Variants in LHFPL3 observed in about 807,000 individuals in gnomAD.
The protein encoded by LHFPL3 is LHFPL tetraspan subfamily member 3 protein.
Under a neutral mutation model 19.3 loss-of-function variants are expected in LHFPL3, and 5 were observed. The observed-to-expected ratio is 0.26, with a 90% CI of 0.14 to 0.54. The LOEUF is 0.54. LHFPL3 is among the 20% of genes least tolerant of loss of function. LHFPL3 has a pLI of 0.94. For missense variants in LHFPL3, 249 were observed against 307.4 expected (o/e 0.81, Z 1.42); for synonymous variants, 133 against 126.2 (o/e 1.05, Z -0.36).
chr7:104,521,010 A>T (rs990202151), intron 1 of LHFPL3, among the ~76,000 whole-genome samples: 21 of 151,412 alleles, frequency 1.4e-4, no homozygotes, highest in Admixed American at 5.3e-4. Context: ...TGTTTGCTCT[A>T]GCTTTTCTAG....
intron 1 of LHFPL3, among the ~76,000 whole-genome samples, chr7:104,569,387 A>T (rs551967444): frequency 2.6e-4 from 40 of 152,338 alleles, no homozygotes; most frequent in Non-Finnish European, 5.9e-5. Flanking sequence ...TGACCTGCAA[A>T]CTACAGATAA....
chr7:104,830,492 C>G (rs1454873301), intron 2 of LHFPL3, among the ~76,000 whole-genome samples: 3 of 151,786 alleles, frequency 2.0e-5, no homozygotes, highest in Admixed American at 6.6e-5. Context: ...TTTAATCCAT[C>G]TTGAATTAAT....
At chr7:104,641,390 G>C (rs1382943877) in intron 1 of LHFPL3, among the ~76,000 whole-genome samples, 1 of 152,194 alleles carries the variant, frequency 6.6e-6, no homozygotes, top group African/African-American at 2.4e-5. Flanking sequence ...AACATGCTCA[G>C]TAAATTATGT....
At chr7:104,905,631 C>T (rs754189353) in intron 2 of LHFPL3, among the ~76,000 whole-genome samples, 2 of 152,028 alleles carry the variant, frequency 1.3e-5, no homozygotes, top group African/African-American at 2.4e-5. Flanking sequence ...AGAAAATTGT[C>T]TTTAATGTAA....
rs151243823 is a variant in LHFPL3, at chr7:104,362,702, G to C, written c.445+33478G>C. The stretch of plus-strand genomic sequence containing the variant: ...ATACTGTACACCCAGCTAAATGGGA[G>C]ACCAGAGTTTTATTATTACTCACAT... On this transcript the variant is annotated intron_variant, in intron 1 of 2. Coordinates refer to ENST00000424859, the MANE Select transcript of LHFPL3 (RefSeq NM_199000.3). Among the ~76,000 whole-genome samples the C allele has an allele frequency of 2.5e-3, 388 of 152,344 alleles. 1 individual carries two copies. Among genetic ancestry groups the C allele is most frequent in the South Asian group, 8.7e-3 (42 of 4,830 alleles).
chr7:104,898,392 C>T (rs1045820267), intron 2 of LHFPL3, among the ~76,000 whole-genome samples: 2 of 152,120 alleles, frequency 1.3e-5, no homozygotes, highest in Admixed American at 6.5e-5. Context: ...AGTAAGAGGA[C>T]TGGGCAGCAC....
At chr7:104,847,791 C>T (rs553965290) in intron 2 of LHFPL3, among the ~76,000 whole-genome samples, 2 of 152,336 alleles carry the variant, frequency 1.3e-5, no homozygotes, top group South Asian at 4.1e-4. Context: ...GGATTACAGG[C>T]GTGAGCCACT....
At chr7:104,329,314 C>T (rs796340584) in intron 1 of LHFPL3, 90 bp downstream of exon 1, 2 of 1,463,150 alleles carry the variant, frequency 1.4e-6, no homozygotes, top group African/African-American at 1.4e-5. Context: ...GGGCTGTGCG[C>T]GCCGCTGCGA....
intron 1 of LHFPL3, among the ~76,000 whole-genome samples, chr7:104,679,635 GA>G (rs1325299541): frequency 6.6e-6 from 1 of 152,220 alleles, no homozygotes; most frequent in Non-Finnish European, 1.5e-5. Flanking sequence ...TCTGAGATTT[GA>G]AGCCAAATGA....
intron 1 of LHFPL3, among the ~76,000 whole-genome samples, chr7:104,433,005 C>T (rs983213634): frequency 3.3e-5 from 5 of 152,196 alleles, no homozygotes; most frequent in South Asian, 2.1e-4. Context: ...TTTTTGGTCT[C>T]GGGTAAGCTT....
In LHFPL3 at chr7:104,544,896, A is replaced by T. The variant is rs139725516; in HGVS notation, c.446-191779A>T. ...AAGTTATCTTTTAGCCTTTTGGAAA[A>T]GTATCTGGCTTAATTAAGAACAATG... On this transcript the variant is annotated intron_variant, in intron 1 of 2. Transcript: ENST00000424859. Among the ~76,000 whole-genome samples, 12 of 152,314 alleles carry T rather than the reference A, an allele frequency of 7.9e-5. No individual in the cohort carries two copies. In the East Asian group the frequency reaches 2.3e-3, roughly 29 times the overall value.
At chr7:104,345,585 T>C (rs1408223267) in intron 1 of LHFPL3, among the ~76,000 whole-genome samples, 1 of 152,328 alleles carries the variant, frequency 6.6e-6, no homozygotes, top group East Asian at 1.9e-4. Context: ...CAAAAGTCTA[T>C]GTTCATTATA....
intron 1 of LHFPL3, among the ~76,000 whole-genome samples, chr7:104,614,679 C>T (rs1349948958): frequency 8.7e-5 from 9 of 103,078 alleles, no homozygotes; most frequent in African/African-American, 3.4e-4. Flanking sequence ...TTCCTTCCTT[C>T]CTTCTTTCTT....
chr7:104,358,345 A>C (rs1790327114), intron 1 of LHFPL3, among the ~76,000 whole-genome samples: 1 of 152,252 alleles, frequency 6.6e-6, no homozygotes, highest in South Asian at 2.1e-4. Context: ...AAAAATAATC[A>C]GATTTTTATT....
intron 2 of LHFPL3, among the ~76,000 whole-genome samples, chr7:104,857,335 T>C (rs1410806753): frequency 6.6e-6 from 1 of 152,166 alleles, no homozygotes; most frequent in Non-Finnish European, 1.5e-5. Context: ...AAATATAATA[T>C]CATACATCCA....
chr7:104,602,044 A>G (rs543650191), intron 1 of LHFPL3, among the ~76,000 whole-genome samples: 147 of 12,552 alleles, frequency 0.012, 2 homozygotes, highest in African/African-American at 0.03. Flanking sequence ...TTTTTTTCTG[A>G]CAGCCTTGCT....
chr7:104,470,852 C>T (rs1792893389), intron 1 of LHFPL3, among the ~76,000 whole-genome samples: 1 of 152,156 alleles, frequency 6.6e-6, no homozygotes, highest in Non-Finnish European at 1.5e-5. Context: ...CATTCCAGCT[C>T]TCATTTCCGT....
intron 1 of LHFPL3, among the ~76,000 whole-genome samples, chr7:104,539,512 T>C (rs1316874514): frequency 6.6e-6 from 1 of 152,146 alleles, no homozygotes; most frequent in African/African-American, 2.4e-5. Context: ...TTCGAAGGAA[T>C]AGATTTCCAG....
intron 1 of LHFPL3, among the ~76,000 whole-genome samples, chr7:104,395,968 C>T (rs1233071532): frequency 6.6e-6 from 1 of 152,134 alleles, no homozygotes; most frequent in Non-Finnish European, 1.5e-5. Context: ...AAAGGGAAAT[C>T]TCGGGTCATC....
Sources: gnomAD v4.1 joint callset for allele counts (sites outside exome capture counted in the v4.1 genomes callset) on GRCh38, gnomAD v4.1.1 for gene constraint, MANE v1.5 for transcripts, NCBI Gene and HGNC (gene_info 2026-07-23, HGNC 2026-07-21) for gene names.